CUL2: variants seen among roughly 807,000 people sequenced by gnomAD.
CUL2 encodes the protein cullin-2.
Under a neutral mutation model 110.2 loss-of-function variants are expected in CUL2, and 22 were observed. That is an observed-to-expected ratio of 0.20 (90% CI 0.14 to 0.28). The LOEUF is 0.28. Ranked by LOEUF, CUL2 falls within the 10% of genes least tolerant of loss-of-function variation. The pLI, the probability that CUL2 is intolerant of heterozygous loss-of-function variation, is 1.00. For missense variants in CUL2, 631 were observed against 905.5 expected (o/e 0.70, Z 3.89); for synonymous variants, 279 against 293.2 (o/e 0.95, Z 0.49).
chr10:35,025,231 T>G, intron 16 of CUL2, 33 bp from the exon 17 acceptor site: 1 of 1,545,644 alleles, frequency 6.5e-7, no homozygotes, highest in South Asian at 1.3e-5. Context: ...CACATTATTT[T>G]TAGCTACTAT....
intron 1 of CUL2, chr10:35,079,748 G>A (rs2086902197): frequency 1.9e-5 from 3 of 154,474 alleles, no homozygotes; most frequent in Admixed American, 6.6e-5. Context: ...TCAACTTTTC[G>A]TGTAAAGGAA....
chr10:35,022,512 G>A (rs2085228039), intron 17 of CUL2, among the ~76,000 whole-genome samples: 1 of 152,192 alleles, frequency 6.6e-6, no homozygotes, highest in South Asian at 2.1e-4. Flanking sequence ...GATCTGTCCA[G>A]CCTCAGAGCC....
chr10:35,103,545 G>A (rs182969344), intron 1 of CUL2, among the ~76,000 whole-genome samples: 12 of 151,918 alleles, frequency 7.9e-5, no homozygotes, highest in African/African-American at 2.4e-4. Context: ...GGATGGTCTC[G>A]ATCTCCTGAC....
intron 4 of CUL2, among the ~76,000 whole-genome samples, chr10:35,060,429 A>G (rs987076885): frequency 2.6e-5 from 4 of 152,218 alleles, no homozygotes; most frequent in African/African-American, 9.6e-5. Flanking sequence ...TGGGGAATGC[A>G]GAACTTCAAG....
chr10:35,025,199 CTGT>C lies in CUL2; in HGVS notation c.1618-4_1618-2del. On this transcript the variant is annotated splice_acceptor_variant and splice_polypyrimidine_tract_variant and intron_variant, in intron 16 of 20. Coordinates refer to ENST00000374749, the MANE Select transcript of CUL2 (RefSeq NM_003591.4). LOFTEE classifies it high-confidence loss of function. The stretch of plus-strand genomic sequence containing the variant: ...AATGTTGGCTATAAAATAATTCAAA[CTGT>C]AAAAAAAAAAAAAAAACACACATTA... 1 of 1,510,426 alleles carries C rather than the reference CTGT, an allele frequency of 6.6e-7. No individual in the cohort carries two copies. Among genetic ancestry groups the C allele is most frequent in the African/African-American group, 1.6e-5 (1 of 63,890 alleles). 93.6% of individuals were successfully genotyped at this position (1,510,426 alleles called of 1,614,324 possible). A position where few individuals can be genotyped will look rare whatever the true frequency, so the allele number is the denominator to read the frequency against.
At chr10:35,088,391 C>A (rs1461334578) in intron 1 of CUL2, among the ~76,000 whole-genome samples, 1 of 149,430 alleles carries the variant, frequency 6.7e-6, no homozygotes, top group Admixed American at 6.8e-5. Flanking sequence ...GCCTGTAGTG[C>A]CAGCTACTCA....
At chr10:35,092,580 T>C (rs538035404), upstream of CUL2, among the ~76,000 whole-genome samples, 2 of 152,336 alleles carry the variant, frequency 1.3e-5, no homozygotes, top group South Asian at 2.1e-4. Flanking sequence ...ACTTGTGTGG[T>C]TGACTTACAG....
rs1384586555 is a variant in CUL2 at position 35,035,184 on chromosome 10, A to G, written c.990T>C (p.Leu330=). The change falls in exon 10 of 21, where the codon CTT becomes CTC. Residue 330 remains leucine (L), a synonymous_variant. Transcript: ENST00000374749. The part of the protein sequence containing the change: ...HDEGLRATSN[L]TQENMPTLFV... ...CCACACAACTCACGTTTTCCTGAGT[A>G]AGGTTGCTGGTTGCTCGAAGGCCCT... The G allele has an allele frequency of 3.7e-6, 6 of 1,614,182 alleles. No individual in the cohort carries two copies. Among genetic ancestry groups the G allele is most frequent in the Non-Finnish European group, 5.1e-6 (6 of 1,180,018 alleles).
In CUL2 at chr10:35,038,932, C is replaced by T. The variant is rs1433504431; in HGVS notation, c.865G>A (p.Glu289Lys). The T allele has an allele frequency of 1.4e-5, 22 of 1,579,386 alleles. No homozygotes were observed. The Admixed American group carries it at 1.7e-4, about 12-fold the overall frequency. ...HAECHNIIRQ[E>K]KKNDMANMYV... is the part of the protein sequence containing the mutation. ...TGGTGTCACTTACCATTTTTTTTCTCTTGTCGAATTATATTATGACATTCT... is the reference window on the plus strand; with the variant it reads ...TGGTGTCACTTACCATTTTTTTTCTTTTGTCGAATTATATTATGACATTCT... The change falls in exon 9 of 21, where the codon GAG becomes AAG. Residue 289 changes from glutamate (E) to lysine (K), a missense_variant. Glu to Lys is a moderately conservative substitution (Grantham distance 56). Around this residue, in one of 3 missense-constraint regions of CUL2, gnomAD observed 338 missense variants for 442.5 expected, o/e 0.76. Coordinates refer to ENST00000374749, the MANE Select transcript of CUL2 (RefSeq NM_003591.4).
chr10:35,022,984 G>A (rs1276138584), intron 17 of CUL2, among the ~76,000 whole-genome samples: 1 of 152,104 alleles, frequency 6.6e-6, no homozygotes, highest in African/African-American at 2.4e-5. Context: ...GGTGGAGGTT[G>A]CAGTGAGCCG....
At chr10:35,093,195 C>A (rs116346677), upstream of CUL2, among the ~76,000 whole-genome samples, 4,076 of 152,114 alleles carry the variant, frequency 0.027, 182 homozygotes, top group African/African-American at 0.09. Flanking sequence ...ATAAAAACCC[C>A]AACCTCCAAC....
At chr10:35,110,841 A>T (rs2087515927) in intron 1 of CUL2, among the ~76,000 whole-genome samples, 1 of 152,156 alleles carries the variant, frequency 6.6e-6, no homozygotes, top group Non-Finnish European at 1.5e-5. Context: ...TAACTTAATC[A>T]TATCTTTAAT....
At chr10:35,023,926 G>A (rs924497115) in intron 17 of CUL2, among the ~76,000 whole-genome samples, 3 of 152,106 alleles carry the variant, frequency 2.0e-5, no homozygotes, top group Admixed American at 6.5e-5. Flanking sequence ...CCTCCAGCTC[G>A]TGGGCTCAAG....
At chr10:35,116,252 A>G (rs1239158632) in intron 1 of CUL2, among the ~76,000 whole-genome samples, 1 of 152,034 alleles carries the variant, frequency 6.6e-6, no homozygotes, top group Non-Finnish European at 1.5e-5. Flanking sequence ...CTGAGGCACA[A>G]GAATTCCTTG....
chr10:35,068,576 T>C (rs1171323471), intron 2 of CUL2, among the ~76,000 whole-genome samples: 6 of 152,234 alleles, frequency 3.9e-5, no homozygotes, highest in Non-Finnish European at 2.9e-5. Context: ...CAATGTTCTA[T>C]TGATAATGTA....
At chr10:35,042,230 A>G (rs1264281638) in intron 8 of CUL2, among the ~76,000 whole-genome samples, 1 of 151,734 alleles carries the variant, frequency 6.6e-6, no homozygotes, top group East Asian at 1.9e-4. Flanking sequence ...TCTGTTCTAG[A>G]TATTTCCTAT....
intron 2 of CUL2, among the ~76,000 whole-genome samples, chr10:35,100,353 C>T (rs1397265932): frequency 6.6e-6 from 1 of 152,190 alleles, no homozygotes; most frequent in African/African-American, 2.4e-5. Context: ...TAACAAGTTA[C>T]TCACTTGAAG....
intron 6 of CUL2, 28 bp from the exon 7 acceptor site, chr10:35,044,896 C>G: frequency 6.6e-7 from 1 of 1,525,592 alleles, no homozygotes; most frequent in Non-Finnish European, 9.0e-7. Context: ...ACAAAATATT[C>G]TTGAGAATAC....
rs1291721813 is a variant in CUL2, at chr10:35,009,291, G to A, written c.*1020C>T. ...ATGTACAATTTTCTTTTTTAAAAAA[G>A]TATTTAGGTTATGCATTGCTAAGCA... On this transcript the variant is annotated 3_prime_UTR_variant, in exon 21 of 21. Transcript: ENST00000374749. The A allele has an allele frequency of 1.3e-5, 2 of 150,294 alleles. No homozygotes were observed. Among genetic ancestry groups the A allele is most frequent in the South Asian group, 2.1e-4 (1 of 4,784 alleles). The allele number at this position is 150,294 out of a possible 1,614,324, so 9.3% of individuals were successfully genotyped here. A position where few individuals can be genotyped will look rare whatever the true frequency, so the allele number is the denominator to read the frequency against.
Sources: allele counts gnomAD v4.1 joint callset (sites outside exome capture counted in the v4.1 genomes callset), GRCh38; gene constraint gnomAD v4.1.1; regional missense constraint gnomAD v4.1.1; transcripts MANE v1.5; gene names NCBI Gene and HGNC (gene_info 2026-07-23, HGNC 2026-07-21).